DSCAM: variants seen among roughly 807,000 people sequenced by gnomAD.
DSCAM encodes DS cell adhesion molecule, also known as cell adhesion molecule DSCAM.
In DSCAM, 47 loss-of-function variants were observed where a neutral mutation model predicts 217.7. The ratio of observed to expected loss-of-function variants is 0.22; its 90% CI spans 0.17 to 0.28. DSCAM has a LOEUF of 0.28. Ranked by LOEUF, DSCAM falls within the 10% of genes least tolerant of loss-of-function variation. DSCAM has a pLI of 1.00. For synonymous variants in DSCAM, 1,056 were observed against 1,015.3 expected, an observed-to-expected ratio of 1.04 and a Z score of -0.76; for missense variants, 2,080 against 2,618.3, an observed-to-expected ratio of 0.79 and a Z score of 4.49.
intron 15 of DSCAM, among the ~76,000 whole-genome samples, chr21:40,168,432 T>G (rs1359489746): frequency 6.6e-6 from 1 of 152,094 alleles, no homozygotes; most frequent in Non-Finnish European, 1.5e-5. Flanking sequence ...TGAAAGAAGG[T>G]TGCAATGCAA....
chr21:40,755,222 C>A (rs538502789), intron 1 of DSCAM, among the ~76,000 whole-genome samples: 1 of 152,010 alleles, frequency 6.6e-6, no homozygotes, highest in Admixed American at 6.6e-5. Flanking sequence ...CAGAGGTGGG[C>A]GGATCATGAG....
At chr21:40,709,180 G>C (rs1224202807) in intron 1 of DSCAM, among the ~76,000 whole-genome samples, 1 of 152,122 alleles carries the variant, frequency 6.6e-6, no homozygotes, top group East Asian at 1.9e-4. Context: ...CTGGAGCATA[G>C]AGCCCAGCTC....
intron 3 of DSCAM, among the ~76,000 whole-genome samples, chr21:40,480,676 G>T (rs2075974514): frequency 6.6e-6 from 1 of 152,146 alleles, no homozygotes; most frequent in South Asian, 2.1e-4. Context: ...TGAATGTAAG[G>T]CCTCGTGCTG....
At chr21:40,021,245 G>A (rs1331374913) in intron 32 of DSCAM, among the ~76,000 whole-genome samples, 4 of 148,478 alleles carry the variant, frequency 2.7e-5, no homozygotes, top group African/African-American at 7.4e-5. Flanking sequence ...ACATAGCTAC[G>A]CAGGTCGGTA....
chr21:40,440,308 G>A (rs1465215971), intron 3 of DSCAM, among the ~76,000 whole-genome samples: 1 of 152,218 alleles, frequency 6.6e-6, no homozygotes, highest in Non-Finnish European at 1.5e-5. Context: ...TCTTGGCTGT[G>A]TGTGACACTG....
chr21:40,772,459 G>A (rs1477875806), intron 1 of DSCAM, among the ~76,000 whole-genome samples: 4 of 152,202 alleles, frequency 2.6e-5, no homozygotes, highest in Admixed American at 1.3e-4. Flanking sequence ...ATAAGCCACT[G>A]TGCCCAGCCT....
intron 3 of DSCAM, among the ~76,000 whole-genome samples, chr21:40,482,743 C>T (rs1180830821): frequency 6.6e-6 from 1 of 152,040 alleles, no homozygotes; most frequent in Non-Finnish European, 1.5e-5. Flanking sequence ...ATATGGAAGC[C>T]CCCTATGTTT....
rs1282743148 is a variant in DSCAM, at chr21:40,383,713, T to G, written c.509-14468A>C. The stretch of plus-strand genomic sequence containing the variant: ...GAAGGCAATTGTATCTGACTAGAAT[T>G]TAATATTATTGTTTTTCTTTCATTG... On this transcript the variant is annotated intron_variant, in intron 3 of 32. Coordinates refer to ENST00000400454, the MANE Select transcript of DSCAM (RefSeq NM_001389.5). The G allele has an allele frequency of 2.0e-5, 3 of 152,198 alleles. No individual in the cohort carries two copies. In the East Asian group the frequency reaches 5.8e-4, roughly 29 times the overall value. The allele number at this position is 152,198 out of a possible 1,614,324, so 9.4% of individuals were successfully genotyped here.
At chr21:40,499,085 G>A (rs1015444536) in intron 3 of DSCAM, among the ~76,000 whole-genome samples, 1 of 151,748 alleles carries the variant, frequency 6.6e-6, no homozygotes, top group Non-Finnish European at 1.5e-5. Flanking sequence ...GAATGAAGCA[G>A]GTTTTTAATA....
At chr21:40,838,874 A>G (rs962847286) in intron 1 of DSCAM, among the ~76,000 whole-genome samples, 20 of 152,198 alleles carry the variant, frequency 1.3e-4, no homozygotes, top group African/African-American at 4.1e-4. Context: ...CAACCTGTAA[A>G]TCAGCAGTAT....
At chr21:40,836,662 AGT>A (rs540737769) in intron 1 of DSCAM, among the ~76,000 whole-genome samples, 101 of 152,336 alleles carry the variant, frequency 6.6e-4, no homozygotes, top group Middle Eastern at 3.4e-3. Flanking sequence ...CTTCTTTGCA[AGT>A]GTGTGTTTTG....
At chr21:40,309,035 AT>A (rs1170221703) in intron 9 of DSCAM, among the ~76,000 whole-genome samples, 1 of 152,074 alleles carries the variant, frequency 6.6e-6, no homozygotes, top group Admixed American at 6.6e-5. Flanking sequence ...CTTGACACAT[AT>A]TTTTTTCCTC....
chr21:40,180,613 G>A (rs2090788641), intron 14 of DSCAM, among the ~76,000 whole-genome samples: 2 of 152,174 alleles, frequency 1.3e-5, no homozygotes, highest in South Asian at 4.2e-4. Context: ...GGAGGATGAG[G>A]AGGAATGCCA....
chr21:40,187,914 C>G lies in DSCAM; in HGVS notation c.2627G>C (p.Gly876Ala). 1 of 1,614,076 alleles carries G rather than the reference C, an allele frequency of 6.2e-7. No homozygotes were observed. Among genetic ancestry groups the G allele is most frequent in the Non-Finnish European group, 8.5e-7 (1 of 1,179,954 alleles). Residue 876 changes from glycine to alanine, a missense_variant, in exon 13 of 33, where the codon GGA (glycine) becomes GCA (alanine). Physicochemically the swap from Gly to Ala is moderately conservative, Grantham distance 60. Coordinates refer to ENST00000400454, the MANE Select transcript of DSCAM (RefSeq NM_001389.5). ...HAINSYGEDR[G>A]IIQLTVQEPP... ...ACCTTGCACTGTGAGCTGAATTATT[C>G]CACGGTCCTCCCCATAAGAATTAAT...
At chr21:40,605,628 G>A (rs1251618863) in intron 3 of DSCAM, among the ~76,000 whole-genome samples, 2 of 152,032 alleles carry the variant, frequency 1.3e-5, no homozygotes, top group East Asian at 3.9e-4. Context: ...AAAAGGGGTT[G>A]GGCCACATTT....
At chr21:40,248,911 T>C (rs2073264391) in intron 11 of DSCAM, among the ~76,000 whole-genome samples, 2 of 152,236 alleles carry the variant, frequency 1.3e-5, no homozygotes, top group South Asian at 4.2e-4. Flanking sequence ...ACTTCTTACA[T>C]GGTGGCGGCA....
At chr21:40,459,252 T>C (rs2075787277) in intron 3 of DSCAM, among the ~76,000 whole-genome samples, 1 of 151,842 alleles carries the variant, frequency 6.6e-6, no homozygotes, top group South Asian at 2.1e-4. Context: ...AAAACAAAAT[T>C]AGAAATGAGA....
rs143959864 is a variant in DSCAM at position 40,367,054 on chromosome 21, C to T, written c.655+2045G>A. Among the ~76,000 whole-genome samples the T allele has an allele frequency of 5.6e-3, 860 of 152,252 alleles. 11 individuals carry two copies. The highest frequency in any genetic ancestry group is 0.02 in the African/African-American group (823 of 41,538). The stretch of plus-strand genomic sequence containing the variant: ...AGTCTCTGTTCTTCTGAAAGGAGTA[C>T]TTGCTGAGTACTTCCACTATCTTCA... On this transcript the variant is annotated intron_variant, in intron 4 of 32. Coordinates refer to ENST00000400454, the MANE Select transcript of DSCAM (RefSeq NM_001389.5).
intron 1 of DSCAM, among the ~76,000 whole-genome samples, chr21:40,709,615 T>C: frequency 6.6e-6 from 1 of 152,180 alleles, no homozygotes; most frequent in South Asian, 2.1e-4. Context: ...CTGTGTTAGT[T>C]TGTTGAGAAT....
Sources: allele counts gnomAD v4.1 joint callset (sites outside exome capture counted in the v4.1 genomes callset), GRCh38; gene constraint gnomAD v4.1.1; transcripts MANE v1.5; gene names NCBI Gene and HGNC (gene_info 2026-07-23, HGNC 2026-07-21).